MSRA: variants seen among roughly 807,000 people sequenced by gnomAD.
MSRA encodes the protein methionine sulfoxide reductase A.
MSRA carries 54 observed loss-of-function variants against 31.3 expected under a neutral mutation model. That is an observed-to-expected ratio of 1.73 (90% confidence interval 1.39 to 2.17). The LOEUF is 2.17. Among genes scored for constraint, MSRA ranks in the 30% most tolerant of loss-of-function variants. The pLI, the probability that MSRA is intolerant of heterozygous loss-of-function variation, is 0.00. For synonymous variants in MSRA, 169 were observed against 116.5 expected (o/e 1.45, Z -2.90); for missense variants, 507 against 300.9 (o/e 1.69, Z -5.07).
chr8:10,151,184 C>CA (rs1252904740), intron 1 of MSRA, among the ~76,000 whole-genome samples: 1 of 149,728 alleles, frequency 6.7e-6, no homozygotes, highest in Non-Finnish European at 1.5e-5. Flanking sequence ...CCAGGAGCTT[C>CA]ACCTTCCTGG....
chr8:10,066,875 CTTTT>C (rs35203671), intron 1 of MSRA, among the ~76,000 whole-genome samples: 1 of 141,702 alleles, frequency 7.1e-6, no homozygotes, highest in Middle Eastern at 3.4e-3. Context: ...TCTTAAATGA[CTTTT>C]TTTTTTTTTT....
intron 5 of MSRA, chr8:10,337,933 A>G: frequency 1.6e-6 from 1 of 641,966 alleles, no homozygotes; most frequent in Non-Finnish European, 2.8e-6. Flanking sequence ...CAAGACTAAT[A>G]AGACTTGGAA....
intron 3 of MSRA, among the ~76,000 whole-genome samples, chr8:10,260,166 G>C (rs574740882): frequency 1.3e-5 from 2 of 152,244 alleles, no homozygotes; most frequent in Non-Finnish European, 2.9e-5. Flanking sequence ...ATGAGCGGCT[G>C]TGTGTGGGCG....
chr8:10,248,924 T>C (rs1285078737), intron 3 of MSRA, among the ~76,000 whole-genome samples: 1 of 152,176 alleles, frequency 6.6e-6, no homozygotes, highest in Non-Finnish European at 1.5e-5. Context: ...ACAGTGGAGA[T>C]GGACAGTCAC....
At chr8:10,362,582 G>C (rs937340608) in intron 5 of MSRA, among the ~76,000 whole-genome samples, 7 of 151,716 alleles carry the variant, frequency 4.6e-5, no homozygotes, top group African/African-American at 1.7e-4. Flanking sequence ...AGTTTCCTAG[G>C]CCTCCACTGT....
intron 3 of MSRA, among the ~76,000 whole-genome samples, chr8:10,283,714 A>C (rs1213689059): frequency 6.8e-6 from 1 of 147,160 alleles, no homozygotes; most frequent in Non-Finnish European, 1.5e-5. Flanking sequence ...TTCCTGAGTT[A>C]CTCCACTTAG....
chr8:10,315,247 C>T (rs533631239), intron 4 of MSRA, among the ~76,000 whole-genome samples: 6 of 152,280 alleles, frequency 3.9e-5, no homozygotes, highest in Non-Finnish European at 8.8e-5. Flanking sequence ...GGAGGGGACA[C>T]AGTCAAACCA....
intron 3 of MSRA, among the ~76,000 whole-genome samples, chr8:10,289,085 G>T (rs370042244): frequency 2.0e-5 from 3 of 151,118 alleles, no homozygotes; most frequent in Admixed American, 2.0e-4. Context: ...GCATGATCTC[G>T]GCTCACTGCA....
chr8:10,339,706 T>C (rs577863971), intron 5 of MSRA, among the ~76,000 whole-genome samples: 1 of 150,918 alleles, frequency 6.6e-6, no homozygotes, highest in East Asian at 2.0e-4. Context: ...CACGCCCGGC[T>C]AATTTTTTGT....
chr8:10,075,196 G>A (rs1010317596), intron 1 of MSRA, among the ~76,000 whole-genome samples: 3 of 152,138 alleles, frequency 2.0e-5, no homozygotes, highest in Admixed American at 1.3e-4. Flanking sequence ...ATTTACTTAT[G>A]TGGATCCCTC....
rs1456947971 is a variant in MSRA, at chr8:10,241,834, T to C, written c.212-3270T>C. 3.3e-5 allele frequency among the ~76,000 whole-genome samples: 5 copies of C among 152,348 alleles called. No homozygotes were observed. In the South Asian group the frequency reaches 8.3e-4, roughly 25 times the overall value. ...TGTCAACTTGCAGAAAGTTGTCCTC[T>C]GAGGACGGTTGTGTGAATTGAATTG... On this transcript the variant is annotated intron_variant, in intron 2 of 5. Transcript: ENST00000317173.
At chr8:10,196,726 A>T (rs922952877) in intron 1 of MSRA, among the ~76,000 whole-genome samples, 4 of 150,374 alleles carry the variant, frequency 2.7e-5, no homozygotes, top group African/African-American at 9.8e-5. Flanking sequence ...ATTTTTTTTT[A>T]TTTTTAATTT....
At chr8:10,368,069 C>G (rs1017524265) in intron 5 of MSRA, among the ~76,000 whole-genome samples, 1 of 152,084 alleles carries the variant, frequency 6.6e-6, no homozygotes, top group Non-Finnish European at 1.5e-5. Flanking sequence ...GAATGAGTGT[C>G]CTGCCACAGC....
In MSRA at chr8:10,405,691, G is replaced by A. The variant is rs144014080; in HGVS notation, c.544-22457G>A. On this transcript the variant is annotated intron_variant, in intron 5 of 5. Coordinates refer to ENST00000317173, the MANE Select transcript of MSRA (RefSeq NM_012331.5). ...GGTGAGGCTTGGAGATGACCTTGGA[G>A]GAAGAATGCATACACAACCATGTGC... Among the ~76,000 whole-genome samples the A allele has an allele frequency of 3.9e-5, 6 of 152,356 alleles. No individual in the cohort carries two copies. In the East Asian group the frequency reaches 1.2e-3, roughly 29 times the overall value.
At chr8:10,175,083 A>C (rs1018013909) in intron 1 of MSRA, among the ~76,000 whole-genome samples, 3 of 151,686 alleles carry the variant, frequency 2.0e-5, no homozygotes, top group African/African-American at 7.3e-5. Context: ...GTTCTACTCT[A>C]CCTGTCTAGC....
intron 5 of MSRA, among the ~76,000 whole-genome samples, chr8:10,413,319 C>G (rs531449156): frequency 6.6e-6 from 1 of 152,148 alleles, no homozygotes; most frequent in African/African-American, 2.4e-5. Context: ...TGATAATTAG[C>G]TAACCACACT....
At chr8:10,413,259 G>A (rs1329736108) in intron 5 of MSRA, among the ~76,000 whole-genome samples, 3 of 152,232 alleles carry the variant, frequency 2.0e-5, no homozygotes, top group African/African-American at 7.2e-5. Flanking sequence ...AGCAAAGGTA[G>A]GAGTCTGGTG....
intron 3 of MSRA, among the ~76,000 whole-genome samples, chr8:10,280,802 T>C (rs1328852369): frequency 6.6e-6 from 1 of 152,196 alleles, no homozygotes; most frequent in African/African-American, 2.4e-5. Flanking sequence ...TGTGAATGGG[T>C]AAATAAAATA....
At chr8:10,271,058 CT>C (rs1799008978) in intron 3 of MSRA, among the ~76,000 whole-genome samples, 1 of 133,940 alleles carries the variant, frequency 7.5e-6, no homozygotes, top group Non-Finnish European at 1.6e-5. Flanking sequence ...TGTTTGAGTT[CT>C]TTCTTCTTTT....
Sources: allele counts gnomAD v4.1 joint callset (sites outside exome capture counted in the v4.1 genomes callset), GRCh38; gene constraint gnomAD v4.1.1; transcripts MANE v1.5; gene names NCBI Gene and HGNC (gene_info 2026-07-23, HGNC 2026-07-21).